Variants in CHRM3 observed in about 807,000 individuals in gnomAD.
The protein encoded by CHRM3 is cholinergic receptor muscarinic 3.
In CHRM3, 11 loss-of-function variants were observed where a neutral mutation model predicts 41.8. The observed-to-expected ratio is 0.26, with a 90% CI of 0.17 to 0.44. CHRM3 has a LOEUF of 0.44. Among genes scored for constraint, CHRM3 ranks in the 20% least tolerant of loss-of-function variants. The pLI, the probability that CHRM3 is intolerant of heterozygous loss-of-function variation, is 1.00. For missense variants in CHRM3, 571 were observed against 745.4 expected (o/e 0.77, Z 2.72); for synonymous variants, 297 against 301.4 (o/e 0.99, Z 0.15).
Position 239,748,194 on chromosome 1 carries a change from A to G in CHRM3, c.-147+69906A>G, listed in dbSNP as rs774241002. Among the ~76,000 whole-genome samples the G allele has an allele frequency of 6.6e-6, 1 of 152,230 alleles. No individual in the cohort carries two copies. The highest frequency in any genetic ancestry group is 1.5e-5 in the Non-Finnish European group (1 of 68,036). On this transcript the variant is annotated intron_variant, in intron 5 of 6. Coordinates refer to ENST00000676153, the MANE Select transcript of CHRM3 (RefSeq NM_001375978.1). This position sits in a 1 kb window ranked among gnomAD's most constrained non-coding sequence, Gnocchi z 4.3. ...AAACCACCACTTAAGAAGAAAGTGT[A>G]TACACACCCGTTATCTGCACTAATT... is the stretch of plus-strand genomic sequence containing the variant.
intron 3 of CHRM3, among the ~76,000 whole-genome samples, chr1:239,619,567 T>C (rs1668122234): frequency 6.6e-6 from 1 of 152,194 alleles, no homozygotes; most frequent in African/African-American, 2.4e-5. Context: ...GATGGCCCAA[T>C]TATGGAGAGA....
rs535094338 is a variant in CHRM3, at chr1:239,874,891, G to A, written c.-19-32542G>A. Reference sequence around the variant, plus strand: ...TTTTGTATTTTTTAGTAGAGACGGGGTTTCTCCATTTTGGTCAGGCTGGTC... The same window carrying A: ...TTTTGTATTTTTTAGTAGAGACGGGATTTCTCCATTTTGGTCAGGCTGGTC... On this transcript the variant is annotated intron_variant, in intron 6 of 6. Transcript: ENST00000676153. Among the ~76,000 whole-genome samples, 30 of 151,958 alleles carry A rather than the reference G, an allele frequency of 2.0e-4. 2 individuals are homozygous for A. Among genetic ancestry groups the A allele is most frequent in the African/African-American group, 7.2e-4 (30 of 41,432 alleles).
intron 6 of CHRM3, among the ~76,000 whole-genome samples, chr1:239,851,631 G>A (rs1164060014): frequency 6.6e-6 from 1 of 152,092 alleles, no homozygotes; most frequent in Non-Finnish European, 1.5e-5. Context: ...GAAATAAATA[G>A]CAACATCTGA....
At chr1:239,522,761 G>T (rs1042351304) in intron 2 of CHRM3, among the ~76,000 whole-genome samples, 1 of 152,260 alleles carries the variant, frequency 6.6e-6, no homozygotes, top group East Asian at 1.9e-4. Context: ...GCTGGGGTTG[G>T]TTTAAGAAAA....
At chr1:239,698,843 C>G (rs190251655) in intron 5 of CHRM3, among the ~76,000 whole-genome samples, 1 of 152,264 alleles carries the variant, frequency 6.6e-6, no homozygotes, top group East Asian at 1.9e-4. Context: ...TCCTTCTTGC[C>G]TCACAGACCC....
At chr1:239,818,626 A>G (rs1409187861) in intron 5 of CHRM3, among the ~76,000 whole-genome samples, 1 of 152,144 alleles carries the variant, frequency 6.6e-6, no homozygotes, top group Non-Finnish European at 1.5e-5. Context: ...TGTGCTATTG[A>G]TGCCTGCTTC....
intron 6 of CHRM3, among the ~76,000 whole-genome samples, chr1:239,884,122 G>C (rs532274220): frequency 3.9e-5 from 6 of 152,136 alleles, no homozygotes; most frequent in Non-Finnish European, 8.8e-5. Context: ...AAAAAGATAC[G>C]ACCACATTCT....
At chr1:239,807,818 GCACACACACA>G (rs57650107) in intron 5 of CHRM3, among the ~76,000 whole-genome samples, 4 of 148,522 alleles carry the variant, frequency 2.7e-5, no homozygotes, top group Admixed American at 6.8e-5. Flanking sequence ...TTTGCTTTGC[GCACACACACA>G]CACACACACA....
intron 5 of CHRM3, among the ~76,000 whole-genome samples, chr1:239,765,735 C>T (rs981202448): frequency 5.3e-5 from 8 of 151,976 alleles, no homozygotes; most frequent in African/African-American, 1.9e-4. Flanking sequence ...ATTCAGCAAG[C>T]ATTCATGTGG....
intron 5 of CHRM3, among the ~76,000 whole-genome samples, chr1:239,804,269 A>G (rs1049001453): frequency 3.3e-5 from 5 of 152,204 alleles, no homozygotes; most frequent in Non-Finnish European, 7.3e-5. Flanking sequence ...AGAATGAGAT[A>G]CCATGATCAT....
chr1:239,567,295 G>A (rs1426720841), intron 3 of CHRM3, among the ~76,000 whole-genome samples: 3 of 133,356 alleles, frequency 2.2e-5, no homozygotes, highest in Non-Finnish European at 3.2e-5. Context: ...AACACAGTAA[G>A]ACCTCATCTG....
At chr1:239,813,927 A>AAAAAAC (rs1163980591) in intron 5 of CHRM3, among the ~76,000 whole-genome samples, 5 of 149,174 alleles carry the variant, frequency 3.4e-5, no homozygotes, top group African/African-American at 1.0e-4. Flanking sequence ...AAAAAAAAAA[A>AAAAAAC]AAAAAAACTC....
chr1:239,531,233 G>A (rs1481665153), intron 2 of CHRM3, among the ~76,000 whole-genome samples: 3 of 152,188 alleles, frequency 2.0e-5, no homozygotes, highest in South Asian at 4.2e-4. Flanking sequence ...TAGAGGACAT[G>A]CACTTCCTGA....
intron 2 of CHRM3, among the ~76,000 whole-genome samples, chr1:239,514,390 AT>A (rs1007016938): frequency 6.6e-6 from 1 of 151,470 alleles, no homozygotes; most frequent in African/African-American, 2.4e-5. Context: ...TAGAGTGCTA[AT>A]ATAAATGGTA....
chr1:239,822,697 C>T (rs556971667), intron 5 of CHRM3, among the ~76,000 whole-genome samples: 45 of 152,238 alleles, frequency 3.0e-4, no homozygotes, highest in African/African-American at 1.0e-3. Context: ...CCCATGTTGA[C>T]TCTAACATGC....
chr1:239,656,012 A>G (rs2148989146), intron 4 of CHRM3, among the ~76,000 whole-genome samples: 1 of 152,302 alleles, frequency 6.6e-6, no homozygotes, highest in Admixed American at 6.5e-5. Flanking sequence ...TTGTGGCAAC[A>G]TAGATGTTGC....
chr1:239,692,784 C>G (rs1239041403), intron 5 of CHRM3, among the ~76,000 whole-genome samples: 1 of 152,126 alleles, frequency 6.6e-6, no homozygotes, highest in East Asian at 1.9e-4. Context: ...AGGCTTTACA[C>G]TGGAGTAAGG....
At chr1:239,721,129 G>A (rs189845785) in intron 5 of CHRM3, among the ~76,000 whole-genome samples, 1 of 151,992 alleles carries the variant, frequency 6.6e-6, no homozygotes, top group African/African-American at 2.4e-5. Flanking sequence ...ACTCTGCACA[G>A]TATAATGATT....
intron 5 of CHRM3, among the ~76,000 whole-genome samples, chr1:239,763,271 T>G (rs1473615920): frequency 1.3e-5 from 2 of 152,192 alleles, no homozygotes; most frequent in Middle Eastern, 3.2e-3. Flanking sequence ...AAATGGTTAT[T>G]AACATTCACT....
Sources: gnomAD v4.1 joint callset for allele counts (sites outside exome capture counted in the v4.1 genomes callset) on GRCh38, gnomAD v4.1.1 for gene constraint, Gnocchi (gnomAD v3.1) non-coding constraint, MANE v1.5 for transcripts, NCBI Gene and HGNC (gene_info 2026-07-23, HGNC 2026-07-21) for gene names.